TPTE2: variants seen among roughly 807,000 people sequenced by gnomAD.
The protein encoded by TPTE2 is phosphatidylinositol 3,4,5-trisphosphate 3-phosphatase TPTE2.
In TPTE2, 53 loss-of-function variants were observed where a neutral mutation model predicts 78.6. The observed-to-expected ratio is 0.67, with a 90% CI of 0.54 to 0.85. The LOEUF is 0.85. TPTE2 is among the 40% of genes least tolerant of loss of function. The probability of loss-of-function intolerance (pLI) is 0.00; values close to 1 mark genes in which losing one functional copy is unlikely to be tolerated. For missense variants in TPTE2, 461 were observed against 623.0 expected, an observed-to-expected ratio of 0.74 and a Z score of 2.77; for synonymous variants, 175 against 206.2, an observed-to-expected ratio of 0.85 and a Z score of 1.30.
At position 19,471,716 on chromosome 13, in the gene TPTE2, T is replaced by C. The variant is rs149204378; in HGVS notation, c.392+2198A>G. Among the ~76,000 whole-genome samples, 613 of 152,326 alleles carry C rather than the reference T, an allele frequency of 4.0e-3. 6 individuals carry two copies. The highest frequency in any genetic ancestry group is 0.013 in the African/African-American group (558 of 41,572). On this transcript the variant is annotated intron_variant, in intron 6 of 19. Coordinates refer to ENST00000400230, the Ensembl canonical transcript of TPTE2. ...AATAAGAGTAGTTTATACATCATAG[T>C]TACAATGTTATAACATTCTGCATTT...
In TPTE2 at chr13:19,465,399, C is replaced by T. The variant is rs569325577; in HGVS notation, c.612+66G>A. On this transcript the variant is annotated intron_variant, in intron 8 of 19. Coordinates refer to ENST00000400230, the Ensembl canonical transcript of TPTE2. The stretch of plus-strand genomic sequence containing the variant: ...AAACATTATACAGTATAGATATCAA[C>T]CCTTGCCAATGGGTCCCAAAACACA... 1.8e-5 allele frequency: 29 copies of T among 1,609,184 alleles called. No individual in the cohort carries two copies. In the East Asian group the frequency reaches 5.6e-4, roughly 31 times the overall value.
At chr13:19,516,759 G>C (rs887805766) in intron 1 of TPTE2, among the ~76,000 whole-genome samples, 8 of 152,128 alleles carry the variant, frequency 5.3e-5, no homozygotes, top group African/African-American at 1.7e-4. Flanking sequence ...GCCCCTGTAG[G>C]AAAGATTAAA....
intron 17 of TPTE2, among the ~76,000 whole-genome samples, chr13:19,428,598 A>G (rs1239143767): frequency 6.6e-6 from 1 of 152,126 alleles, no homozygotes; most frequent in East Asian, 1.9e-4. Flanking sequence ...CCTGGGCAAC[A>G]TAGCAAGTCC....
Position 19,493,506 on chromosome 13 carries a change from C to A in TPTE2, c.12-5G>T, listed in dbSNP as rs534615281. On this transcript the variant is annotated splice_region_variant and splice_polypyrimidine_tract_variant and intron_variant, in intron 1 of 19. Transcript: ENST00000400230. ...TTAAATTCGTTTGTCTGTGGACTAG[C>A]GGATGATAAGAGAATACAGTCAGAG... is the stretch of plus-strand genomic sequence containing the variant. 21 of 1,613,016 alleles carry A rather than the reference C, an allele frequency of 1.3e-5. No homozygotes were observed. Among genetic ancestry groups the A allele is most frequent in the Non-Finnish European group, 1.7e-5 (20 of 1,179,554 alleles).
At chr13:19,539,040 G>A (rs1871363857), upstream of TPTE2, among the ~76,000 whole-genome samples, 2 of 152,288 alleles carry the variant, frequency 1.3e-5, no homozygotes, top group South Asian at 4.1e-4. Context: ...CAGGTGCTAT[G>A]CTAGATTCTC....
intron 4 of TPTE2, among the ~76,000 whole-genome samples, chr13:19,481,078 T>C (rs1241744434): frequency 1.3e-5 from 2 of 152,316 alleles, no homozygotes; most frequent in East Asian, 3.9e-4. Flanking sequence ...AGTAATAAGG[T>C]TATTTACAAA....
intron 10 of TPTE2, among the ~76,000 whole-genome samples, chr13:19,463,048 A>G (rs982584997): frequency 1.4e-4 from 22 of 151,866 alleles, no homozygotes; most frequent in African/African-American, 4.6e-4. Flanking sequence ...CAGTGGCACA[A>G]TCTTGGCTCA....
At chr13:19,452,972 TTTTATTTTATTTTA>T (rs1878274258) in intron 10 of TPTE2, among the ~76,000 whole-genome samples, 1 of 69,586 alleles carries the variant, frequency 1.4e-5, no homozygotes, top group African/African-American at 3.6e-5. Context: ...TTTTATTTTA[TTTTATTTTATTTTA>T]TTTATTTTAT....
At chr13:19,547,426 C>T in the TPTE2 span, among the ~76,000 whole-genome samples, 4 of 152,208 alleles carry the variant, frequency 2.6e-5, no homozygotes, top group South Asian at 2.1e-4. Flanking sequence ...TTTACATAAT[C>T]GGTTGGAGTG....
At chr13:19,434,779 C>T (rs193269828) in intron 15 of TPTE2, among the ~76,000 whole-genome samples, 66 of 152,214 alleles carry the variant, frequency 4.3e-4, no homozygotes, top group African/African-American at 1.4e-3. Flanking sequence ...AAATCCATTT[C>T]GGAATTCCCA....
At chr13:19,439,917 T>C (rs1438641003) in intron 13 of TPTE2, among the ~76,000 whole-genome samples, 2 of 152,128 alleles carry the variant, frequency 1.3e-5, no homozygotes, top group Non-Finnish European at 2.9e-5. Flanking sequence ...AGAAAAAAGA[T>C]TTTTTAAAAG....
chr13:19,526,123 T>G (rs1870481174), intron 1 of TPTE2, among the ~76,000 whole-genome samples: 1 of 152,174 alleles, frequency 6.6e-6, no homozygotes, highest in African/African-American at 2.4e-5. Context: ...TGGAAAGCAG[T>G]TTGGTGATTT....
rs150121439 is a variant in TPTE2, at chr13:19,535,065, G to A, written c.-44+1531C>T. 9.2e-5 allele frequency among the ~76,000 whole-genome samples: 14 copies of A among 152,076 alleles called. 2 individuals carry two copies. The East Asian group carries it at 2.3e-3, about 25-fold the overall frequency. Reference sequence around the variant, plus strand: ...CCAAAAATACAGAAATTAGCCAGGCGTGGTGGCGGGCACATGCAGTCCCAG... The same window carrying A: ...CCAAAAATACAGAAATTAGCCAGGCATGGTGGCGGGCACATGCAGTCCCAG... On this transcript the variant is annotated intron_variant, in intron 1 of 17. Transcript: ENST00000390680. This position sits in a 1 kb window ranked among gnomAD's most constrained non-coding sequence, Gnocchi z 5.1.
rs567972583 is a variant in TPTE2 at position 19,450,740 on chromosome 13, A to C, written c.803-396T>G. 2.6e-5 allele frequency among the ~76,000 whole-genome samples: 4 copies of C among 152,324 alleles called. No homozygotes were observed. In the South Asian group the frequency reaches 6.2e-4, roughly 24 times the overall value. On this transcript the variant is annotated intron_variant, in intron 11 of 19. Coordinates refer to ENST00000400230, the Ensembl canonical transcript of TPTE2. Reference sequence around the variant, plus strand: ...GAGACAGGGTATTAAACTGGGTTACAACCTATTTTCTACAGAGTCTTTTGC... The same window carrying C: ...GAGACAGGGTATTAAACTGGGTTACCACCTATTTTCTACAGAGTCTTTTGC...
intron 1 of TPTE2, among the ~76,000 whole-genome samples, chr13:19,514,592 AGTGTGTGTGTGTGT>A (rs151110694): frequency 2.4e-5 from 3 of 126,820 alleles, no homozygotes; most frequent in Middle Eastern, 4.2e-3. Context: ...TACTTCTGAG[AGTGTGTGTGTGTGT>A]GTGTGTGTGT....
chr13:19,500,040 G>T (rs2137665021), intron 1 of TPTE2, among the ~76,000 whole-genome samples: 1 of 150,038 alleles, frequency 6.7e-6, no homozygotes, highest in Admixed American at 6.6e-5. Flanking sequence ...AAATAAACTA[G>T]AAAATCTAGA....
chr13:19,475,100 C>G (rs573882323), intron 5 of TPTE2, among the ~76,000 whole-genome samples: 5 of 152,118 alleles, frequency 3.3e-5, no homozygotes, highest in Admixed American at 3.3e-4. Context: ...TTAGATGGGG[C>G]ACATGGCTAC....
chr13:19,476,211 C>A (rs1360163939), intron 4 of TPTE2, among the ~76,000 whole-genome samples: 1 of 152,032 alleles, frequency 6.6e-6, no homozygotes, highest in Non-Finnish European at 1.5e-5. Flanking sequence ...AAAGACTGGG[C>A]TCCTTCCATT....
At chr13:19,545,083 A>T in the TPTE2 span, among the ~76,000 whole-genome samples, 1 of 152,170 alleles carries the variant, frequency 6.6e-6, no homozygotes, top group Non-Finnish European at 1.5e-5. Flanking sequence ...AAAGTACAAA[A>T]GCACAAAGAT....
Sources: allele counts gnomAD v4.1 joint callset (sites outside exome capture counted in the v4.1 genomes callset), GRCh38; gene constraint gnomAD v4.1.1; non-coding constraint Gnocchi (gnomAD v3.1); transcripts MANE v1.5; gene names NCBI Gene and HGNC (gene_info 2026-07-23, HGNC 2026-07-21).